Variants in ITGAE observed in about 807,000 individuals in gnomAD.
ITGAE encodes the protein integrin alpha-E.
A neutral mutation model predicts 136.5 loss-of-function variants in ITGAE; 99 were observed. That is an observed-to-expected ratio of 0.73 (90% CI 0.62 to 0.86). The LOEUF is 0.86. ITGAE is among the 40% of genes least tolerant of loss of function. The probability of loss-of-function intolerance (pLI) is 0.00; values close to 1 mark genes in which losing one functional copy is unlikely to be tolerated. For missense variants in ITGAE, 1,447 were observed against 1,515.3 expected (o/e 0.95, Z 0.75); for synonymous variants, 613 against 591.8 (o/e 1.04, Z -0.52).
intron 26 of ITGAE, chr17:3,724,557 C>A: frequency 6.2e-7 from 1 of 1,614,156 alleles, no homozygotes; most frequent in Non-Finnish European, 8.5e-7. Flanking sequence ...CCTCCACCTC[C>A]CAGAAGTCTC....
intron 2 of ITGAE, among the ~76,000 whole-genome samples, chr17:3,775,030 C>T (rs1003847530): frequency 2.0e-5 from 3 of 151,748 alleles, no homozygotes; most frequent in South Asian, 2.1e-4. Flanking sequence ...AGCCTCGACT[C>T]ACCCGCCCCC....
chr17:3,784,120 C>A (rs894663412), intron 1 of ITGAE, among the ~76,000 whole-genome samples: 7 of 151,842 alleles, frequency 4.6e-5, no homozygotes, highest in Admixed American at 1.3e-4. Context: ...ATTAGCCGGG[C>A]GTGGTGGCGG....
chr17:3,743,359 C>A (rs985365236), intron 19 of ITGAE, 130 bp downstream of exon 19: 5 of 1,043,372 alleles, frequency 4.8e-6, no homozygotes, highest in Middle Eastern at 2.1e-4. Context: ...ACCATGAGTA[C>A]GGTGAGGGGC....
At chr17:3,741,070 ATTTTTTTTTTTT>A (rs58434003) in intron 19 of ITGAE, among the ~76,000 whole-genome samples, 7 of 76,804 alleles carry the variant, frequency 9.1e-5, no homozygotes, top group African/African-American at 1.7e-4. Context: ...TTTTTGTTGT[ATTTTTTTTTTTT>A]TTTTTTTTTT....
chr17:3,771,121 A>G (rs1031751175), intron 2 of ITGAE, among the ~76,000 whole-genome samples: 2 of 151,844 alleles, frequency 1.3e-5, no homozygotes, highest in Non-Finnish European at 2.9e-5. Context: ...ACATTCATCC[A>G]TCAAAAGGAG....
chr17:3,729,735 C>G, intron 23 of ITGAE, 180 bp from the exon 24 acceptor site: 1 of 554,732 alleles, frequency 1.8e-6, no homozygotes, highest in East Asian at 3.3e-5. Context: ...GCTGGAATTA[C>G]AGGCGTGAGC....
At chr17:3,755,541 C>T (rs2051999133) in intron 11 of ITGAE, among the ~76,000 whole-genome samples, 1 of 152,198 alleles carries the variant, frequency 6.6e-6, no homozygotes, top group Non-Finnish European at 1.5e-5. Flanking sequence ...TTCAGGGGAA[C>T]AACTGGATGT....
Position 3,725,724 on chromosome 17 carries a change from G to A in ITGAE, c.3085-1980C>T, listed in dbSNP as rs535667063. 1.2e-4 allele frequency: 193 copies of A among 1,572,330 alleles called. 2 individuals carry two copies. In the South Asian group the frequency reaches 1.6e-3, roughly 13 times the overall value. On this transcript the variant is annotated intron_variant, in intron 26 of 30. Transcript: ENST00000263087. ...TGACCGGCCTGATTTTTTTAAAGAC[G>A]ACCAGCTCTTCATTGTGCTGGAATT...
intron 17 of ITGAE, among the ~76,000 whole-genome samples, chr17:3,746,572 C>CA (rs1222416577): frequency 1.3e-5 from 2 of 152,074 alleles, no homozygotes; most frequent in Admixed American, 1.3e-4. Context: ...TCTCCTGCCT[C>CA]AGCCTCCCCC....
At chr17:3,741,884 C>T (rs1472963661) in intron 19 of ITGAE, among the ~76,000 whole-genome samples, 1 of 152,156 alleles carries the variant, frequency 6.6e-6, no homozygotes, top group Non-Finnish European at 1.5e-5. Context: ...CAAGACCAGC[C>T]TGGCCAACAT....
chr17:3,773,688 A>G (rs1266335214), intron 2 of ITGAE, among the ~76,000 whole-genome samples: 1 of 152,078 alleles, frequency 6.6e-6, no homozygotes, highest in East Asian at 1.9e-4. Context: ...TTACATAGGC[A>G]TGACTCATTG....
In ITGAE at chr17:3,764,661, C is replaced by T. The variant is rs367595077; in HGVS notation, c.156-701G>A. 5.3e-4 allele frequency among the ~76,000 whole-genome samples: 80 copies of T among 152,078 alleles called. 1 individual carries two copies. The South Asian group carries it at 0.014, about 27-fold the overall frequency. On this transcript the variant is annotated intron_variant, in intron 2 of 30. Coordinates refer to ENST00000263087, the MANE Select transcript of ITGAE (RefSeq NM_002208.5). The stretch of plus-strand genomic sequence containing the variant: ...GCAGTGAGCGGAGATCACGCCACTG[C>T]ACTCCAGCCTGGGGGACAGAGTGTG...
intron 1 of ITGAE, among the ~76,000 whole-genome samples, chr17:3,792,771 A>G (rs1251231691): frequency 2.0e-5 from 3 of 152,238 alleles, no homozygotes; most frequent in Non-Finnish European, 2.9e-5. Context: ...CTTGAAGGTG[A>G]TATCAACATG....
intron 16 of ITGAE, 132 bp from the exon 17 acceptor site, chr17:3,748,184 G>T: frequency 1.2e-6 from 1 of 857,780 alleles, no homozygotes; most frequent in Non-Finnish European, 1.7e-6. Context: ...GAGTCTCAGG[G>T]TACAGTGGGG....
At chr17:3,781,338 A>C (rs574066107) in intron 1 of ITGAE, among the ~76,000 whole-genome samples, 3 of 141,050 alleles carry the variant, frequency 2.1e-5, no homozygotes, top group Non-Finnish European at 4.7e-5. Flanking sequence ...TTCTTCTTTC[A>C]TTTCTTTTTT....
At chr17:3,758,908 G>A (rs758565931) in intron 8 of ITGAE, among the ~76,000 whole-genome samples, 32 of 151,256 alleles carry the variant, frequency 2.1e-4, no homozygotes, top group Non-Finnish European at 4.0e-4. Context: ...GGCGGATCAC[G>A]AGGTCAGGAG....
chr17:3,716,805 AAGAC>A lies in ITGAE; in HGVS notation c.3334-11_3334-8del, dbSNP rs747433087. On this transcript the variant is annotated splice_polypyrimidine_tract_variant and splice_region_variant and intron_variant, in intron 29 of 30. Coordinates refer to ENST00000263087, the MANE Select transcript of ITGAE (RefSeq NM_002208.5). ...TCAGGAAGACGACAGTGATCTAGAC[AAGAC>A]AAAGAGATCGCCCAATAAATCAGGT... 2.0e-6 allele frequency: 3 copies of A among 1,469,876 alleles called. No homozygotes were observed. Among genetic ancestry groups the A allele is most frequent in the Admixed American group, 3.5e-5 (2 of 57,168 alleles). 91.1% of individuals were successfully genotyped at this position (1,469,876 alleles called of 1,614,324 possible). A position where few individuals can be genotyped will look rare whatever the true frequency, so the allele number is the denominator to read the frequency against.
At chr17:3,760,092 G>T in intron 7 of ITGAE, 80 bp downstream of exon 7, 1 of 835,866 alleles carries the variant, frequency 1.2e-6, no homozygotes, top group Non-Finnish European at 2.0e-6. Context: ...AGAATTGTGA[G>T]CAAATGTGGT....
intron 1 of ITGAE, among the ~76,000 whole-genome samples, chr17:3,786,059 C>T (rs946892462): frequency 8.0e-5 from 12 of 149,348 alleles, no homozygotes; most frequent in East Asian, 2.0e-4. Flanking sequence ...CCCAGCTACT[C>T]GGGAGGCTGA....
Sources: gnomAD v4.1 joint callset for allele counts (sites outside exome capture counted in the v4.1 genomes callset) on GRCh38, gnomAD v4.1.1 for gene constraint, MANE v1.5 for transcripts, NCBI Gene and HGNC (gene_info 2026-07-23, HGNC 2026-07-21) for gene names.